BRD3: variants seen among roughly 807,000 people sequenced by gnomAD.
The protein encoded by BRD3 is bromodomain containing 3, also known as bromodomain-containing protein 3.
Under a neutral mutation model 66.8 loss-of-function variants are expected in BRD3, and 17 were observed. The ratio of observed to expected loss-of-function variants is 0.25; its 90% confidence interval spans 0.17 to 0.38. The LOEUF is 0.38. Among genes scored for constraint, BRD3 ranks in the 10% least tolerant of loss-of-function variants. The pLI, the probability that BRD3 is intolerant of heterozygous loss-of-function variation, is 1.00. For missense variants in BRD3, 713 were observed against 956.1 expected, an observed-to-expected ratio of 0.75 and a Z score of 3.35; for synonymous variants, 421 against 393.2, an observed-to-expected ratio of 1.07 and a Z score of -0.84.
chr9:134,054,912 A>T (rs1830383014), intron 1 of BRD3, among the ~76,000 whole-genome samples: 1 of 151,790 alleles, frequency 6.6e-6, no homozygotes, highest in Admixed American at 6.6e-5. Context: ...TTCAAACTAC[A>T]CGCAACACAG....
intron 2 of BRD3, 54 bp downstream of exon 2, chr9:134,053,211 G>A (rs1830339996): frequency 1.9e-6 from 3 of 1,584,658 alleles, no homozygotes; most frequent in Middle Eastern, 1.7e-4. Flanking sequence ...GCAGGAGGGG[G>A]ACAGAGGACG....
chr9:134,044,582 C>T (rs569659399), intron 7 of BRD3, among the ~76,000 whole-genome samples: 11 of 152,024 alleles, frequency 7.2e-5, no homozygotes, highest in East Asian at 1.9e-4. Flanking sequence ...AAACCACCTG[C>T]GATCACAATT....
Position 134,031,543 on chromosome 9 carries a change from ATTT to A in BRD3, c.*2044_*2046del, listed in dbSNP as rs1433571053. 2 of 202,266 alleles carry A rather than the reference ATTT, an allele frequency of 9.9e-6. No homozygotes were observed. Among genetic ancestry groups the A allele is most frequent in the Admixed American group, 6.0e-5 (1 of 16,684 alleles). 12.5% of individuals were successfully genotyped at this position (202,266 alleles called of 1,614,324 possible). A position where few individuals can be genotyped will look rare whatever the true frequency, so the allele number is the denominator to read the frequency against. Reference sequence around the variant, plus strand: ...AATGGAAACTTTCAAATCCATTTATATTTTTATTATAAACAAAACTTAATTAAA... The same window carrying A: ...AATGGAAACTTTCAAATCCATTTATATTATTATAAACAAAACTTAATTAAA... On this transcript the variant is annotated 3_prime_UTR_variant, in exon 12 of 12. Coordinates refer to ENST00000303407, the MANE Select transcript of BRD3 (RefSeq NM_007371.4).
chr9:134,059,000 C>G (rs546813819), intron 1 of BRD3, among the ~76,000 whole-genome samples: 33 of 152,348 alleles, frequency 2.2e-4, no homozygotes, highest in Non-Finnish European at 3.7e-4. Flanking sequence ...CCAAGGGGCA[C>G]TGATTCAACA....
rs55871722 is a variant in BRD3 at position 134,051,611 on chromosome 9, A to C, written c.450T>G (p.Pro150=). 9.5e-6 allele frequency: 15 copies of C among 1,582,206 alleles called. No homozygotes were observed. In the East Asian group the frequency reaches 2.8e-4, roughly 30 times the overall value. The change falls in exon 4 of 12, where the codon CCT becomes CCG. Residue 150 remains proline (P), a synonymous_variant. Coordinates refer to ENST00000303407, the MANE Select transcript of BRD3 (RefSeq NM_007371.4). Reference sequence around the variant, plus strand: ...GCTTCCGACCTTTGCCCTTTGGAGCAGGGGGTAATAATTCAACTTCCTCTT... The same window carrying C: ...GCTTCCGACCTTTGCCCTTTGGAGCCGGGGGTAATAATTCAACTTCCTCTT... ...MPQEEVELLP[P]APKGKGRKPA...
At chr9:134,063,485 A>T (rs566962208) in intron 1 of BRD3, among the ~76,000 whole-genome samples, 2 of 152,292 alleles carry the variant, frequency 1.3e-5, no homozygotes, top group Admixed American at 1.3e-4. Flanking sequence ...GGCTCCAGTG[A>T]CGCATGGCAC....
chr9:134,066,046 T>C (rs1830644718), intron 1 of BRD3, among the ~76,000 whole-genome samples: 1 of 152,142 alleles, frequency 6.6e-6, no homozygotes, highest in Non-Finnish European at 1.5e-5. Flanking sequence ...CAAAGGAAAG[T>C]AATTACTCTA....
In BRD3 at chr9:134,052,136, G is replaced by A. The variant is rs546114248; in HGVS notation, c.351+170C>T. Among the ~76,000 whole-genome samples the A allele has an allele frequency of 7.2e-5, 11 of 152,146 alleles. No individual in the cohort carries two copies. The East Asian group carries it at 1.4e-3, about 19-fold the overall frequency. ...TTGAACTCCTGAGCTCAAGTGATCC[G>A]CCGACCTCGGCCTCCCAAAGTGCTG... On this transcript the variant is annotated intron_variant, in intron 3 of 11. Coordinates refer to ENST00000303407, the MANE Select transcript of BRD3 (RefSeq NM_007371.4).
intron 1 of BRD3, chr9:134,056,075 CAGA>C (rs1830417411): frequency 6.6e-6 from 1 of 152,362 alleles, no homozygotes; most frequent in African/African-American, 2.4e-5. Context: ...TTGAGCAAGG[CAGA>C]AGGAGGGGCG....
At position 134,041,270 on chromosome 9, in the gene BRD3, G is replaced by T. The variant is rs542945328; in HGVS notation, c.1407+490C>A. Among the ~76,000 whole-genome samples, 4 of 152,322 alleles carry T rather than the reference G, an allele frequency of 2.6e-5. No individual in the cohort carries two copies. In the South Asian group the frequency reaches 8.3e-4, roughly 32 times the overall value. On this transcript the variant is annotated intron_variant, in intron 8 of 11. Transcript: ENST00000303407. ...GACCTCAAGACAGCTCAGAGTGGGTGACATTTGTCCCATACTGCAAACGAG... is the reference window on the plus strand; with the variant it reads ...GACCTCAAGACAGCTCAGAGTGGGTTACATTTGTCCCATACTGCAAACGAG...
rs1418161414 is a variant in BRD3, at chr9:134,032,010, C to T, written c.*1580G>A. The T allele has an allele frequency of 1.4e-5, 3 of 216,520 alleles. No individual in the cohort carries two copies. Among genetic ancestry groups the T allele is most frequent in the Non-Finnish European group, 2.8e-5 (3 of 107,340 alleles). The allele number at this position is 216,520 out of a possible 1,614,324, so 13.4% of individuals were successfully genotyped here. A position where few individuals can be genotyped will look rare whatever the true frequency, so the allele number is the denominator to read the frequency against. ...CACCCCTGGGGAGGGCAGACAGGCT[C>T]GGGAGGGCCTGGCCAGGCCACTGGA... On this transcript the variant is annotated 3_prime_UTR_variant, in exon 12 of 12. Transcript: ENST00000303407.
chr9:134,040,290 G>A (rs1830016841), intron 8 of BRD3, 21 bp from the exon 9 acceptor site: 2 of 1,582,598 alleles, frequency 1.3e-6, no homozygotes, highest in African/African-American at 1.3e-5. Flanking sequence ...GCGGGCGGCT[G>A]AGCAGGTGCT....
chr9:134,067,229 G>A (rs1055524427), intron 1 of BRD3, among the ~76,000 whole-genome samples: 1 of 152,158 alleles, frequency 6.6e-6, no homozygotes, highest in African/African-American at 2.4e-5. Flanking sequence ...ATTTCAAAAC[G>A]GGAACTGGGT....
chr9:134,063,383 G>A (rs970844952), intron 1 of BRD3, among the ~76,000 whole-genome samples: 23 of 152,216 alleles, frequency 1.5e-4, no homozygotes, highest in African/African-American at 5.5e-4. Flanking sequence ...GTCCTGTGGT[G>A]TGGGCAGATG....
chr9:134,039,749 C>T (rs1425079070), intron 9 of BRD3, among the ~76,000 whole-genome samples: 1 of 152,220 alleles, frequency 6.6e-6, no homozygotes, highest in Non-Finnish European at 1.5e-5. Flanking sequence ...GATCCTTGGC[C>T]CAGACCAGAG....
At position 134,040,074 on chromosome 9, in the gene BRD3, C is replaced by A. The variant is rs1298834787; in HGVS notation, c.1603G>T (p.Ala535Ser). Residue 535 changes from alanine to serine, a missense_variant, in exon 9 of 12, where the codon GCT (alanine) becomes TCT (serine). By Grantham distance (99) the Ala-to-Ser change is moderately conservative. This residue lies in a region of BRD3 where 418 missense variants were observed against 609.3 expected (regional missense o/e 0.69). Coordinates refer to ENST00000303407, the MANE Select transcript of BRD3 (RefSeq NM_007371.4). ...PPAKQAQQKK[A>S]PAKKANSTTT... ...GTGCTGTTGGCCTTCTTGGCAGGAG[C>A]CTTCTTCTGCTGAGCCTGCTTGGCA... 2 of 1,592,164 alleles carry A rather than the reference C, an allele frequency of 1.3e-6. No homozygotes were observed. The highest frequency in any genetic ancestry group is 1.3e-5 in the African/African-American group (1 of 74,572).
rs1297471515 is a variant in BRD3 at position 134,032,364 on chromosome 9, GAACTA to G, written c.*1221_*1225del. On this transcript the variant is annotated 3_prime_UTR_variant, in exon 12 of 12. Transcript: ENST00000303407. Reference sequence around the variant, plus strand: ...AAAGAGACCAGAAGTGAATACAAAAGAACTAAACAAAATAAAAAATTAGAATGTGC... The same window carrying G: ...AAAGAGACCAGAAGTGAATACAAAAGAACAAAATAAAAAATTAGAATGTGC... The G allele has an allele frequency of 5.7e-5, 9 of 157,200 alleles. No individual in the cohort carries two copies. The highest frequency in any genetic ancestry group is 5.6e-4 in the East Asian group (6 of 10,808). The allele number at this position is 157,200 out of a possible 1,614,324, so 9.7% of individuals were successfully genotyped here. A position where few individuals can be genotyped will look rare whatever the true frequency, so the allele number is the denominator to read the frequency against.
intron 7 of BRD3, among the ~76,000 whole-genome samples, chr9:134,044,637 T>C (rs979084791): frequency 6.6e-6 from 1 of 152,040 alleles, no homozygotes; most frequent in Non-Finnish European, 1.5e-5. Flanking sequence ...CACACCAAAA[T>C]ATGTGTGCGG....
intron 1 of BRD3, among the ~76,000 whole-genome samples, chr9:134,066,224 C>T (rs1334504695): frequency 6.6e-6 from 1 of 152,170 alleles, no homozygotes; most frequent in African/African-American, 2.4e-5. Context: ...TCTGAGGCTA[C>T]CCGGAAGGTC....
Sources: gnomAD v4.1 joint callset for allele counts (sites outside exome capture counted in the v4.1 genomes callset) on GRCh38, gnomAD v4.1.1 for gene constraint, gnomAD v4.1.1 regional missense constraint, MANE v1.5 for transcripts, NCBI Gene and HGNC (gene_info 2026-07-23, HGNC 2026-07-21) for gene names.